The following FRMD4A variants were observed in gnomAD, a reference collection of about 807,000 sequenced individuals.
The protein encoded by FRMD4A is FERM domain containing 4A, also known as FERM domain-containing protein 4A.
Under a neutral mutation model 129.1 loss-of-function variants are expected in FRMD4A, and 29 were observed. The ratio of observed to expected loss-of-function variants is 0.22; its 90% confidence interval spans 0.17 to 0.31. The LOEUF is 0.31. FRMD4A is among the 10% of genes least tolerant of loss of function. FRMD4A has a pLI of 1.00. For synonymous variants in FRMD4A, 634 were observed against 571.6 expected, an observed-to-expected ratio of 1.11 and a Z score of -1.56; for missense variants, 1,272 against 1,375.8, an observed-to-expected ratio of 0.92 and a Z score of 1.19.
intron 2 of FRMD4A, among the ~76,000 whole-genome samples, chr10:14,033,521 A>T (rs1364020036): frequency 6.6e-6 from 1 of 152,112 alleles, no homozygotes; most frequent in African/African-American, 2.4e-5. Flanking sequence ...ATGGTGGCTC[A>T]TGCCTGTAAT....
intron 12 of FRMD4A, among the ~76,000 whole-genome samples, chr10:13,720,205 C>T (rs7913129): frequency 0.031 from 4,695 of 152,264 alleles, 242 homozygotes; most frequent in African/African-American, 0.1. Flanking sequence ...CGCGCCAGCA[C>T]GCCCAGCTAA....
chr10:13,728,570 A>ATTTTTTTTTTTT (rs1386167455), intron 12 of FRMD4A, among the ~76,000 whole-genome samples: 1 of 28,664 alleles, frequency 3.5e-5, no homozygotes, highest in African/African-American at 8.4e-5. Flanking sequence ...GGTGATTACC[A>ATTTTTTTTTTTT]TTCTTTTTTT....
intron 2 of FRMD4A, among the ~76,000 whole-genome samples, chr10:14,242,091 G>T (rs1274636073): frequency 6.6e-6 from 1 of 152,162 alleles, no homozygotes; most frequent in Non-Finnish European, 1.5e-5. Flanking sequence ...TGTACCTATT[G>T]TCTCAAGCTA....
chr10:13,993,493 G>A (rs1341092014), intron 2 of FRMD4A, among the ~76,000 whole-genome samples: 2 of 152,144 alleles, frequency 1.3e-5, no homozygotes. Flanking sequence ...GTTTTAAGTA[G>A]GACCACACAC....
intron 2 of FRMD4A, among the ~76,000 whole-genome samples, chr10:14,171,220 T>C (rs1841460642): frequency 6.6e-6 from 1 of 152,156 alleles, no homozygotes; most frequent in Non-Finnish European, 1.5e-5. Context: ...CTCTCTCTCT[T>C]TTTTTCTTGC....
chr10:13,808,622 G>C (rs1427947650), intron 4 of FRMD4A, among the ~76,000 whole-genome samples: 1 of 152,162 alleles, frequency 6.6e-6, no homozygotes. Flanking sequence ...CTTGAGTCAC[G>C]GCCTCACCAC....
chr10:14,056,011 T>C (rs1355777327), intron 2 of FRMD4A, among the ~76,000 whole-genome samples: 2 of 152,188 alleles, frequency 1.3e-5, no homozygotes, highest in Non-Finnish European at 2.9e-5. Context: ...CTCGGCTCAC[T>C]GCAAGCTCCG....
intron 2 of FRMD4A, among the ~76,000 whole-genome samples, chr10:13,963,423 A>G (rs974095709): frequency 2.6e-5 from 4 of 152,222 alleles, no homozygotes; most frequent in Admixed American, 6.5e-5. Context: ...AACAGCAAAA[A>G]TAGCAAATTG....
At chr10:13,954,243 TA>T (rs1481281163) in intron 2 of FRMD4A, among the ~76,000 whole-genome samples, 1 of 152,182 alleles carries the variant, frequency 6.6e-6, no homozygotes, top group Non-Finnish European at 1.5e-5. Context: ...ACACTGCTGA[TA>T]AAGACACACC....
chr10:14,210,516 C>T (rs1842906641), intron 2 of FRMD4A, among the ~76,000 whole-genome samples: 1 of 152,142 alleles, frequency 6.6e-6, no homozygotes, highest in African/African-American at 2.4e-5. Context: ...CAATACCCTG[C>T]CTTCTTATAT....
Position 13,822,299 on chromosome 10 carries a change from C to T in FRMD4A, c.112-11391G>A, listed in dbSNP as rs77590404. ...ACAATAACCACGATGTACAATAGAT[C>T]TCCTAAACAAAGCTTTGCTTGCTTT... is the stretch of plus-strand genomic sequence containing the variant. On this transcript the variant is annotated intron_variant, in intron 3 of 24. Coordinates refer to ENST00000357447, the MANE Select transcript of FRMD4A (RefSeq NM_018027.5). 0.013 allele frequency among the ~76,000 whole-genome samples: 1,956 copies of T among 152,306 alleles called. 97 individuals are homozygous for T. The East Asian group carries it at 0.14, about 11-fold the overall frequency.
chr10:14,260,203 C>CT (rs1191306093), intron 2 of FRMD4A, among the ~76,000 whole-genome samples: 1 of 152,150 alleles, frequency 6.6e-6, no homozygotes, highest in Non-Finnish European at 1.5e-5. Context: ...ATGCCATGAT[C>CT]CAGCTTACAA....
Position 13,699,224 on chromosome 10 carries a change from G to GTTTTTTT in FRMD4A, c.975+2109_975+2115dup, listed in dbSNP as rs1168489802. On this transcript the variant is annotated intron_variant, in intron 14 of 24. Transcript: ENST00000357447. ...ATGCCTGCCACGATGCTTGGTTATT[G>GTTTTTTT]TTTTTTTTTTTTTTTTTTTTTTTTG... 2.8e-3 allele frequency among the ~76,000 whole-genome samples: 215 copies of GTTTTTTT among 76,186 alleles called. 2 individuals carry two copies. Among genetic ancestry groups the GTTTTTTT allele is most frequent in the East Asian group, 0.011 (22 of 1,938 alleles). The allele number at this position is 76,186 out of a possible 152,430, so 50.0% of individuals were successfully genotyped here.
In FRMD4A at chr10:13,654,509, G is replaced by A. The variant is rs2081970623; in HGVS notation, c.2957C>T (p.Ala986Val). 6.9e-6 allele frequency: 11 copies of A among 1,602,816 alleles called. No homozygotes were observed. The East Asian group carries it at 2.5e-4, about 36-fold the overall frequency. ...MPQMCKATSAALPQSQRSSTP... is the reference protein window; with the variant it reads ...MPQMCKATSAVLPQSQRSSTP... ...CGAGCTTCTCTGGCTTTGAGGTAAGGCAGCTACATGCAGGTGGTGCAAGAA... is the reference window on the plus strand; with the variant it reads ...CGAGCTTCTCTGGCTTTGAGGTAAGACAGCTACATGCAGGTGGTGCAAGAA... Residue 986 changes from alanine to valine, a missense_variant, in exon 23 of 25, where the codon GCC becomes GTC. Physicochemically the swap from Ala to Val is moderately conservative, Grantham distance 64. This residue lies in a region of FRMD4A where 972 missense variants were observed against 892.3 expected (regional missense o/e 1.09). Transcript: ENST00000357447.
At chr10:14,133,071 T>C (rs1839347855) in intron 2 of FRMD4A, among the ~76,000 whole-genome samples, 1 of 152,176 alleles carries the variant, frequency 6.6e-6, no homozygotes, top group Admixed American at 6.5e-5. Context: ...TTTACCAAAC[T>C]TCAGGAATAT....
At chr10:14,194,086 G>T (rs1241504743) in intron 2 of FRMD4A, among the ~76,000 whole-genome samples, 2 of 152,134 alleles carry the variant, frequency 1.3e-5, no homozygotes, top group Non-Finnish European at 2.9e-5. Context: ...ACCCCAGGGG[G>T]TTTCCTCTGT....
At position 13,693,935 on chromosome 10, in the gene FRMD4A, C is replaced by A; in HGVS notation, c.1080G>T (p.Lys360Asn). The A allele has an allele frequency of 6.2e-7, 1 of 1,606,412 alleles. No homozygotes were observed. Among genetic ancestry groups the A allele is most frequent in the Non-Finnish European group, 8.5e-7 (1 of 1,177,444 alleles). Residue 360 changes from lysine to asparagine, a missense_variant, in exon 15 of 25, where the codon AAG (lysine) becomes AAT (asparagine). Physicochemically the swap from Lys to Asn is moderately conservative, Grantham distance 94. Coordinates refer to ENST00000357447, the MANE Select transcript of FRMD4A (RefSeq NM_018027.5). ...GGCTGCCGCTGCTGCCGCTGATGAT[C>A]TTCCCCTTGCTACCCATGTTGGCCA... Reference protein sequence around the residue: ...SKLANMGSKGKIISGSSGSLL... With the variant: ...SKLANMGSKGNIISGSSGSLL...
chr10:13,997,624 C>CT (rs775846641), intron 2 of FRMD4A, among the ~76,000 whole-genome samples: 11,427 of 86,006 alleles, frequency 0.13, 569 homozygotes, highest in Non-Finnish European at 0.18. Flanking sequence ...CTTTTCTTTT[C>CT]TTTTTTTTTT....
chr10:14,259,283 T>C (rs528081540), intron 2 of FRMD4A, among the ~76,000 whole-genome samples: 4 of 151,906 alleles, frequency 2.6e-5, no homozygotes, highest in Non-Finnish European at 5.9e-5. Flanking sequence ...GCCTCACAAA[T>C]TCATAAGAAT....
Sources: gnomAD v4.1 joint callset for allele counts (sites outside exome capture counted in the v4.1 genomes callset) on GRCh38, gnomAD v4.1.1 for gene constraint, gnomAD v4.1.1 regional missense constraint, MANE v1.5 for transcripts, NCBI Gene and HGNC (gene_info 2026-07-23, HGNC 2026-07-21) for gene names.